The following A2M variants were observed in gnomAD, a reference collection of about 807,000 sequenced individuals.
The protein encoded by A2M is alpha-2-macroglobulin.
In A2M, 128 loss-of-function variants were observed where a neutral mutation model predicts 183.9. The observed-to-expected ratio is 0.70, with a 90% confidence interval of 0.60 to 0.81. The LOEUF (loss-of-function observed/expected upper bound fraction) is 0.81, where lower values mean the gene tolerates loss of function less well. A2M is among the 30% of genes least tolerant of loss of function. The pLI, the probability that A2M is intolerant of heterozygous loss-of-function variation, is 0.00. For synonymous variants in A2M, 592 were observed against 670.8 expected (o/e 0.88, Z 1.81); for missense variants, 1,495 against 1,787.6 (o/e 0.84, Z 2.95).
Position 9,101,689 on chromosome 12 carries a change from A to C in A2M, c.1267-15T>G. The C allele has an allele frequency of 6.4e-7, 1 of 1,557,456 alleles. No homozygotes were observed. Among genetic ancestry groups the C allele is most frequent in the Non-Finnish European group, 8.8e-7 (1 of 1,139,700 alleles). On this transcript the variant is annotated splice_polypyrimidine_tract_variant and intron_variant, in intron 11 of 35. Transcript: ENST00000318602. ...TTGTAATTGACCTAATGAATTAGAA[A>C]AATTATATTATTTTTAGATTATACG...
In A2M at chr12:9,074,743, T is replaced by C. The variant is rs1948687513; in HGVS notation, c.3573A>G (p.Ala1191=). ...VHWERPQKPK[A]PVGHFYEPQA... ...GGGGTTCGTAAAAATGCCCCACTGGTGCCTTGGGTTTCTGAGGGCGCTCCC... is the reference window on the plus strand; with the variant it reads ...GGGGTTCGTAAAAATGCCCCACTGGCGCCTTGGGTTTCTGAGGGCGCTCCC... The change falls in exon 29 of 36, where the codon GCA becomes GCG. Residue 1191 remains alanine (A), a synonymous_variant. Coordinates refer to ENST00000318602, the MANE Select transcript of A2M (RefSeq NM_000014.6). The C allele has an allele frequency of 1.9e-6, 3 of 1,613,808 alleles. No individual in the cohort carries two copies. The highest frequency in any genetic ancestry group is 2.5e-6 in the Non-Finnish European group (3 of 1,179,892).
chr12:9,098,751 A>G lies in A2M; in HGVS notation c.1707T>C (p.Asp569=). The change falls in exon 15 of 36, where the codon GAT becomes GAC. Residue 569 remains aspartate (D), a synonymous_variant. Transcript: ENST00000318602. Reference sequence around the variant, plus strand: ...GACTTTGTGATGGGCTGAAGCTCAAATCCACCTGTGAAATTGGAACAAAAG... The same window carrying G: ...GACTTTGTGATGGGCTGAAGCTCAAGTCCACCTGTGAAATTGGAACAAAAG... ...DVENCLANKV[D]LSFSPSQSLP... is the part of the protein sequence containing the mutation. The G allele has an allele frequency of 5.0e-6, 8 of 1,612,760 alleles. No individual in the cohort carries two copies. Among genetic ancestry groups the G allele is most frequent in the Non-Finnish European group, 6.8e-6 (8 of 1,179,642 alleles).
intron 31 of A2M, among the ~76,000 whole-genome samples, chr12:9,072,025 T>C (rs537538749): frequency 8.5e-4 from 129 of 152,340 alleles, no homozygotes; most frequent in Non-Finnish European, 1.6e-3. Flanking sequence ...TTCAAACTTT[T>C]CAATAATTCT....
intron 10 of A2M, among the ~76,000 whole-genome samples, chr12:9,104,996 G>A (rs192604077): frequency 5.3e-4 from 80 of 152,254 alleles, no homozygotes; most frequent in African/African-American, 1.9e-3. Flanking sequence ...CTTTTGGAAG[G>A]TAGGCAGATT....
chr12:9,101,171 G>A lies in A2M; in HGVS notation c.1531C>T (p.His511Tyr), dbSNP rs1444098157. The change falls in exon 13 of 36, where the codon CAT becomes TAT. Residue 511 changes from histidine to tyrosine, a missense_variant. His to Tyr is a moderately conservative substitution (Grantham distance 83). Transcript: ENST00000318602. The stretch of plus-strand genomic sequence containing the variant: ...TCTTCCTGCTTCACAAGCAGTCCAT[G>A]AGTCCCAGTTCGGACAATGCCTCCC... ...AKGGIVRTGT[H>Y]GLLVKQEDMK... The A allele has an allele frequency of 4.5e-6, 7 of 1,561,776 alleles. No individual in the cohort carries two copies. The highest frequency in any genetic ancestry group is 6.1e-6 in the Non-Finnish European group (7 of 1,152,106).
chr12:9,110,331 G>T lies in A2M; in HGVS notation c.487C>A (p.Pro163Thr). 7.0e-7 allele frequency: 1 copy of T among 1,436,836 alleles called. No individual in the cohort carries two copies. Among genetic ancestry groups the T allele is most frequent in the East Asian group, 2.6e-5 (1 of 39,158 alleles). The allele number at this position is 1,436,836 out of a possible 1,614,324, so 89.0% of individuals were successfully genotyped here. A position where few individuals can be genotyped will look rare whatever the true frequency, so the allele number is the denominator to read the frequency against. Residue 163 changes from proline to threonine, a missense_variant, in exon 5 of 36, where the codon CCA becomes ACA. Physicochemically the swap from Pro to Thr is conservative, Grantham distance 38 (BLOSUM62 -1). Transcript: ENST00000318602. The stretch of plus-strand genomic sequence containing the variant: ...TTGCTTACCTGAATGTATACTAGTG[G>T]AATCTGAAAGACAAAAGAAAAAAGA... ...ENFHPLNELI[P>T]LVYIQDPKGN...
intron 25 of A2M, among the ~76,000 whole-genome samples, chr12:9,078,273 T>C (rs1405146329): frequency 2.0e-5 from 2 of 101,058 alleles, no homozygotes; most frequent in African/African-American, 1.1e-4. Context: ...CTCCCACTTA[T>C]GAGTGAGAAA....
Position 9,079,778 on chromosome 12 carries a change from A to G in A2M, c.2892T>C (p.Asn964=), listed in dbSNP as rs1948854562. The G allele has an allele frequency of 6.8e-6, 11 of 1,612,464 alleles. No homozygotes were observed. The highest frequency in any genetic ancestry group is 9.3e-6 in the Non-Finnish European group (11 of 1,179,318). ...CACAGCCATAGGGCATCTGGAGAAG[A>G]TTTTGTGTGTTTTGCATGGCAGAGC... The part of the protein sequence containing the change: ...ILGSAMQNTQ[N]LLQMPYGCGE... Residue 964 remains asparagine (N), a synonymous_variant, in exon 24 of 36, where the codon AAT becomes AAC. Transcript: ENST00000318602.
In A2M at chr12:9,099,427, A is replaced by T; in HGVS notation, c.1655T>A (p.Ile552Asn). ...AACATCATATTTTGCAGAATCCCCAATCACGTCCCCGGTAGGTAAAACAGC... is the reference window on the plus strand; with the variant it reads ...AACATCATATTTTGCAGAATCCCCATTCACGTCCCCGGTAGGTAAAACAGC... ...IYAVLPTGDV[I>N]GDSAKYDVEN... The change falls in exon 14 of 36, where the codon ATT becomes AAT. Residue 552 changes from isoleucine to asparagine, a missense_variant. Coordinates refer to ENST00000318602, the MANE Select transcript of A2M (RefSeq NM_000014.6). The T allele has an allele frequency of 1.3e-6, 2 of 1,587,390 alleles. 1 individual carries two copies.
At position 9,072,807 on chromosome 12, in the gene A2M, T is replaced by G. The variant is rs768173568; in HGVS notation, c.3821A>C (p.Lys1274Thr). 2.5e-6 allele frequency: 4 copies of G among 1,614,192 alleles called. No individual in the cohort carries two copies. Among genetic ancestry groups the G allele is most frequent in the Non-Finnish European group, 3.4e-6 (4 of 1,180,028 alleles). ...YGAATFTRTG[K>T]AAQVTIQSSG... Reference sequence around the variant, plus strand: ...AGACTGGATAGTCACCTGTGCAGCCTTCCCAGTCCTGGTAAATGTGGCTGC... The same window carrying G: ...AGACTGGATAGTCACCTGTGCAGCCGTCCCAGTCCTGGTAAATGTGGCTGC... The change falls in exon 30 of 36, where the codon AAG becomes ACG. Residue 1274 changes from lysine (K) to threonine (T), a missense_variant. Physicochemically the swap from Lys to Thr is moderately conservative, Grantham distance 78. Coordinates refer to ENST00000318602, the MANE Select transcript of A2M (RefSeq NM_000014.6).
rs1490388263 is a variant in A2M at position 9,072,859 on chromosome 12, C to T, written c.3769G>A (p.Ala1257Thr). 14 of 1,613,656 alleles carry T rather than the reference C, an allele frequency of 8.7e-6. No individual in the cohort carries two copies. Among genetic ancestry groups the T allele is most frequent in the Non-Finnish European group, 1.2e-5 (14 of 1,179,824 alleles). The change falls in exon 30 of 36, where the codon GCT (alanine) becomes ACT (threonine). Residue 1257 changes from alanine to threonine, a missense_variant. Transcript: ENST00000318602. ...GFSSTQDTVV[A>T]LHALSKYGAA... Reference sequence around the variant, plus strand: ...CCATATTTGGACAGAGCATGGAGAGCCACCACTGTGTCCTGTTAGAGACAG... The same window carrying T: ...CCATATTTGGACAGAGCATGGAGAGTCACCACTGTGTCCTGTTAGAGACAG...
intron 18 of A2M, among the ~76,000 whole-genome samples, chr12:9,092,408 C>T (rs1297179357): frequency 6.6e-6 from 1 of 152,018 alleles, no homozygotes; most frequent in African/African-American, 2.4e-5. Flanking sequence ...CAGTGGCTAC[C>T]CGCCCCCACC....
At chr12:9,116,104 A>C, upstream of A2M, 1 of 452,994 alleles carries the variant, frequency 2.2e-6, no homozygotes, top group Non-Finnish European at 4.1e-6. Flanking sequence ...CTAAAACTAC[A>C]TTCCCATTCC....
In A2M at chr12:9,112,325, GGAA is replaced by G. The variant is rs1938794953; in HGVS notation, c.430+49_430+51del. 1.4e-5 allele frequency: 23 copies of G among 1,598,440 alleles called. No homozygotes were observed. In the South Asian group the frequency reaches 2.2e-4, roughly 15 times the overall value. ...GAACTTTGCCTGGGGAACATCCAGG[GGAA>G]GAAGATCTTTCCTTTTTGAAGTTGT... On this transcript the variant is annotated intron_variant, in intron 3 of 35. Coordinates refer to ENST00000318602, the MANE Select transcript of A2M (RefSeq NM_000014.6).
At position 9,109,909 on chromosome 12, in the gene A2M, A is replaced by T. The variant is rs763975436; in HGVS notation, c.631T>A (p.Ser211Thr). 3.7e-6 allele frequency: 6 copies of T among 1,612,912 alleles called. No homozygotes were observed. Among genetic ancestry groups the T allele is most frequent in the Non-Finnish European group, 5.1e-6 (6 of 1,179,540 alleles). ...GSYKVVVQKK[S>T]GGRTEHPFTV... is the part of the protein sequence containing the mutation. Reference sequence around the variant, plus strand: ...AAAGGGTGCTCTGTCCTTCCACCTGATTTCTTCTGTACCACCACCTTGTAG... The same window carrying T: ...AAAGGGTGCTCTGTCCTTCCACCTGTTTTCTTCTGTACCACCACCTTGTAG... Residue 211 changes from serine (S) to threonine (T), a missense_variant, in exon 6 of 36, where the codon TCA becomes ACA. Transcript: ENST00000318602.
chr12:9,112,016 T>A (rs752987587), intron 4 of A2M, 143 bp downstream of exon 4: 3 of 830,958 alleles, frequency 3.6e-6, no homozygotes, highest in Non-Finnish European at 6.4e-6. Context: ...TGTTTTAGAT[T>A]AGGATCTTGT....
chr12:9,087,778 A>G (rs1949091524), intron 22 of A2M, among the ~76,000 whole-genome samples: 1 of 152,128 alleles, frequency 6.6e-6, no homozygotes, highest in African/African-American at 2.4e-5. Context: ...GTCAGTTTAC[A>G]ATGTAATTAA....
At chr12:9,072,200 AC>A (rs1309001301) in intron 31 of A2M, among the ~76,000 whole-genome samples, 158 bp downstream of exon 31, 1 of 152,182 alleles carries the variant, frequency 6.6e-6, no homozygotes, top group Non-Finnish European at 1.5e-5. Context: ...GACAATGTAA[AC>A]CCCATCATTG....
chr12:9,072,569 C>T, intron 30 of A2M, 83 bp from the exon 31 acceptor site: 5 of 1,599,920 alleles, frequency 3.1e-6, no homozygotes, highest in Non-Finnish European at 4.3e-6. Flanking sequence ...TCTGATCTGT[C>T]CCATTGTTTT....
Sources: allele counts gnomAD v4.1 joint callset (sites outside exome capture counted in the v4.1 genomes callset), GRCh38; gene constraint gnomAD v4.1.1; transcripts MANE v1.5; gene names NCBI Gene and HGNC (gene_info 2026-07-23, HGNC 2026-07-21).